Variants in DIP2A observed in about 807,000 individuals in gnomAD.
DIP2A encodes disco-interacting protein 2 homolog A.
Under a neutral mutation model 177.4 loss-of-function variants are expected in DIP2A, and 85 were observed. That is an observed-to-expected ratio of 0.48 (90% CI 0.40 to 0.57). The LOEUF is 0.57. Ranked by LOEUF, DIP2A falls within the 20% of genes least tolerant of loss-of-function variation. DIP2A has a pLI of 0.00. For missense variants in DIP2A, 1,791 were observed against 2,100.2 expected (o/e 0.85, Z 2.88); for synonymous variants, 886 against 881.8 (o/e 1.00, Z -0.08).
At position 46,556,040 on chromosome 21, in the gene DIP2A, C is replaced by G; in HGVS notation, c.3447C>G (p.Leu1149=). ...TCAGGCCCCCCTCCCCCGATGTCCTCGCATACTTGGACTTCAGCGTGTCAA... is the reference window on the plus strand; with the variant it reads ...TCAGGCCCCCCTCCCCCGATGTCCTGGCATACTTGGACTTCAGCGTGTCAA... ...SVFRPPSPDV[L]AYLDFSVSTT... Residue 1149 remains leucine (L), a synonymous_variant, in exon 29 of 38, where the codon CTC becomes CTG. Transcript: ENST00000417564. The surrounding 1 kb of genome is among the most constrained non-coding windows in gnomAD (Gnocchi z 4.5). The G allele has an allele frequency of 2.5e-6, 4 of 1,613,952 alleles. No homozygotes were observed. Among genetic ancestry groups the G allele is most frequent in the Non-Finnish European group, 3.4e-6 (4 of 1,179,880 alleles).
intron 8 of DIP2A, among the ~76,000 whole-genome samples, chr21:46,512,991 C>G (rs569620903): frequency 3.0e-4 from 46 of 152,140 alleles, no homozygotes; most frequent in African/African-American, 1.1e-3. Flanking sequence ...AGATAGGCAT[C>G]TTTCCTGAGA....
chr21:46,583,012 T>C, the DIP2A span, among the ~76,000 whole-genome samples: 2 of 152,098 alleles, frequency 1.3e-5, no homozygotes, highest in Non-Finnish European at 2.9e-5. Flanking sequence ...CCACAGGAGA[T>C]ACACCTTTTA....
intron 8 of DIP2A, among the ~76,000 whole-genome samples, chr21:46,516,847 C>T (rs2058604388): frequency 6.6e-6 from 1 of 151,732 alleles, no homozygotes; most frequent in Non-Finnish European, 1.5e-5. Context: ...TTAGATATTG[C>T]CTTTTCAGTT....
At chr21:46,541,174 T>G (rs1307278791) in intron 17 of DIP2A, among the ~76,000 whole-genome samples, 2 of 152,224 alleles carry the variant, frequency 1.3e-5, no homozygotes, top group Admixed American at 1.3e-4. Context: ...AAACGCCTGT[T>G]GCTCAGTATT....
At chr21:46,554,786 G>GGGGGGGGGGGGCCCCCCC in intron 27 of DIP2A, 36 bp from the exon 28 acceptor site, 17 of 1,518,986 alleles carry the variant, frequency 1.1e-5, no homozygotes, top group Non-Finnish European at 1.5e-5. Context: ...AGCTTGAGAG[G>GGGGGGGGGGGGCCCCCCC]CCCCGCCCAC....
In DIP2A at chr21:46,569,752, G is replaced by A. The variant is rs1258145402; in HGVS notation, c.*2130G>A. On this transcript the variant is annotated 3_prime_UTR_variant, in exon 38 of 38. Coordinates refer to ENST00000417564, the MANE Select transcript of DIP2A (RefSeq NM_015151.4). ...GTGAAAAGGGTCTTTAAATTACCCC[G>A]AATAGGTTGTATCTTATTTTGCTTT... 3.3e-5 allele frequency: 5 copies of A among 151,048 alleles called. No individual in the cohort carries two copies. The highest frequency in any genetic ancestry group is 7.4e-5 in the Non-Finnish European group (5 of 67,920). 9.4% of individuals were successfully genotyped at this position (151,048 alleles called of 1,614,324 possible). A position where few individuals can be genotyped will look rare whatever the true frequency, so the allele number is the denominator to read the frequency against.
At chr21:46,473,406 G>A (rs1391881296) in intron 1 of DIP2A, among the ~76,000 whole-genome samples, 1 of 141,204 alleles carries the variant, frequency 7.1e-6, no homozygotes, top group Non-Finnish European at 1.5e-5. Flanking sequence ...AGTGAACCGT[G>A]ATTATGCCAC....
At chr21:46,536,515 G>A (rs1601727188) in intron 13 of DIP2A, among the ~76,000 whole-genome samples, 3 of 152,338 alleles carry the variant, frequency 2.0e-5, no homozygotes, top group African/African-American at 7.2e-5. Flanking sequence ...TTGAGGAGAT[G>A]TGGTGTAGAG....
At chr21:46,514,179 A>G (rs1019273741) in intron 8 of DIP2A, among the ~76,000 whole-genome samples, 1 of 152,094 alleles carries the variant, frequency 6.6e-6, no homozygotes, top group Non-Finnish European at 1.5e-5. Context: ...TCACACCTGT[A>G]ATCCCAGCAC....
At chr21:46,582,221 A>G in the DIP2A span, among the ~76,000 whole-genome samples, 1 of 152,212 alleles carries the variant, frequency 6.6e-6, no homozygotes, top group Non-Finnish European at 1.5e-5. Context: ...CAGTCTAGCC[A>G]TGATCTGCCA....
At chr21:46,526,393 A>T (rs1325994081) in intron 8 of DIP2A, among the ~76,000 whole-genome samples, 6 of 146,226 alleles carry the variant, frequency 4.1e-5, no homozygotes, top group Admixed American at 1.4e-4. Flanking sequence ...AAAAACGTTC[A>T]TTCCTTTTTT....
At chr21:46,531,152 A>G (rs2059341282) in intron 9 of DIP2A, among the ~76,000 whole-genome samples, 2 of 152,256 alleles carry the variant, frequency 1.3e-5, no homozygotes, top group Admixed American at 1.3e-4. Context: ...GGGGGGCAGC[A>G]GAGCCACCAT....
In DIP2A at chr21:46,519,855, A is replaced by ATTTTTTTTTT. The variant is rs59574579; in HGVS notation, c.1102+8269_1102+8278dup. Among the ~76,000 whole-genome samples, 11 of 53,016 alleles carry ATTTTTTTTTT rather than the reference A, an allele frequency of 2.1e-4. 3 individuals are homozygous for ATTTTTTTTTT. The highest frequency in any genetic ancestry group is 1.6e-3 in the South Asian group (2 of 1,270). 34.8% of individuals were successfully genotyped at this position (53,016 alleles called of 152,430 possible). A position where few individuals can be genotyped will look rare whatever the true frequency, so the allele number is the denominator to read the frequency against. ...GCCCAGAATTAGAATATTGATCTAG[A>ATTTTTTTTTT]TTTTTTTTTTTTTTTTTTTTTTTTT... On this transcript the variant is annotated intron_variant, in intron 8 of 37. Transcript: ENST00000417564.
chr21:46,511,539 G>A lies in DIP2A; in HGVS notation c.1027G>A (p.Gly343Ser), dbSNP rs1297419565. The A allele has an allele frequency of 1.2e-6, 2 of 1,608,950 alleles. No homozygotes were observed. Among genetic ancestry groups the A allele is most frequent in the East Asian group, 4.5e-5 (2 of 44,746 alleles). Reference protein sequence around the residue: ...PSLLATLQRWGTTQPKSPCLT... With the variant: ...PSLLATLQRWSTTQPKSPCLT... ...GCTGTTGGCCACCTTGCAGCGCTGG[G>A]GCACAACACAGCCCAAATCCCCCTG... Residue 343 changes from glycine (G) to serine (S), a missense_variant, in exon 8 of 38, where the codon GGC becomes AGC. Gly to Ser is a moderately conservative substitution (Grantham distance 56). Transcript: ENST00000417564.
chr21:46,558,413 G>C lies in DIP2A; in HGVS notation c.3969+20G>C. 2 of 1,560,652 alleles carry C rather than the reference G, an allele frequency of 1.3e-6. No individual in the cohort carries two copies. The highest frequency in any genetic ancestry group is 1.7e-6 in the Non-Finnish European group (2 of 1,156,000). On this transcript the variant is annotated intron_variant, in intron 32 of 37. Transcript: ENST00000417564. ...CTCCAGGTGAGGTGCCTGGGGCTGC[G>C]GTTCTCGAAAGCTGGCTGTTGGCAG...
In DIP2A at chr21:46,541,859, C is replaced by T. The variant is rs762952963; in HGVS notation, c.2140C>T (p.Leu714Phe). The T allele has an allele frequency of 6.2e-7, 1 of 1,614,006 alleles. No individual in the cohort carries two copies. Among genetic ancestry groups the T allele is most frequent in the Non-Finnish European group, 8.5e-7 (1 of 1,179,888 alleles). Residue 714 changes from leucine to phenylalanine, a missense_variant, in exon 18 of 38, where the codon CTT becomes TTT. Coordinates refer to ENST00000417564, the MANE Select transcript of DIP2A (RefSeq NM_015151.4). ...RVDTEEKLSV[L>F]TVQDVGQVMP... ...GGATACTGAAGAAAAGTTGTCAGTC[C>T]TTACTGTTCAGGACGTTGGTCAGGT...
Position 46,551,659 on chromosome 21 carries a change from G to C in DIP2A, c.2865G>C (p.Val955=), listed in dbSNP as rs1351234415. 3 of 1,613,994 alleles carry C rather than the reference G, an allele frequency of 1.9e-6. No homozygotes were observed. Among genetic ancestry groups the C allele is most frequent in the Non-Finnish European group, 2.5e-6 (3 of 1,179,886 alleles). ...AGGTTGGACCAGCCTCAATGATCGT[G>C]GGGAACCTGGTTGCTGGGAAGAGAA... ...QPEVGPASMI[V]GNLVAGKRIA... Residue 955 remains valine (V), a synonymous_variant, in exon 24 of 38, where the codon GTG becomes GTC. Coordinates refer to ENST00000417564, the MANE Select transcript of DIP2A (RefSeq NM_015151.4).
intron 2 of DIP2A, among the ~76,000 whole-genome samples, chr21:46,489,825 C>A (rs1258176417): frequency 1.5e-5 from 1 of 68,156 alleles, no homozygotes; most frequent in Non-Finnish European, 4.0e-5. Context: ...TCAAATGATA[C>A]CAGGGATTTT....
intron 36 of DIP2A, among the ~76,000 whole-genome samples, 182 bp from the exon 37 acceptor site, chr21:46,566,376 CAG>C (rs2060838026): frequency 6.6e-6 from 1 of 152,202 alleles, no homozygotes; most frequent in Non-Finnish European, 1.5e-5. Context: ...TTCCGTGCTG[CAG>C]AGATAACAGC....
Sources: gnomAD v4.1 joint callset for allele counts (sites outside exome capture counted in the v4.1 genomes callset) on GRCh38, gnomAD v4.1.1 for gene constraint, Gnocchi (gnomAD v3.1) non-coding constraint, MANE v1.5 for transcripts, NCBI Gene and HGNC (gene_info 2026-07-23, HGNC 2026-07-21) for gene names.